The following GALNT9 variants were observed in gnomAD, a reference collection of about 807,000 sequenced individuals.
The protein encoded by GALNT9 is GalNAc transferase 9.
A neutral mutation model predicts 63.1 loss-of-function variants in GALNT9; 47 were observed. The ratio of observed to expected loss-of-function variants is 0.75; its 90% confidence interval spans 0.59 to 0.95. GALNT9 has a LOEUF of 0.95. GALNT9 is among the 40% of genes least tolerant of loss of function. The probability of loss-of-function intolerance (pLI) is 0.00; values close to 1 mark genes in which losing one functional copy is unlikely to be tolerated. For synonymous variants in GALNT9, 396 were observed against 365.7 expected (o/e 1.08, Z -0.94); for missense variants, 829 against 874.8 (o/e 0.95, Z 0.66).
intron 5 of GALNT9, among the ~76,000 whole-genome samples, chr12:132,255,263 A>G (rs1192361407): frequency 6.6e-6 from 1 of 152,218 alleles, no homozygotes; most frequent in East Asian, 1.9e-4. Flanking sequence ...TTGTAGAGAT[A>G]AAATGCATCC....
intron 6 of GALNT9, among the ~76,000 whole-genome samples, chr12:132,243,772 C>T (rs1555237747): frequency 6.6e-6 from 1 of 152,204 alleles, no homozygotes; most frequent in African/African-American, 2.4e-5. Context: ...CATTCTGTCC[C>T]TATGAAGGCC....
At chr12:132,216,115 CACAGAA>C (rs2135516972) in intron 6 of GALNT9, among the ~76,000 whole-genome samples, 2 of 152,036 alleles carry the variant, frequency 1.3e-5, no homozygotes, top group East Asian at 3.9e-4. Context: ...GATACAGAGA[CACAGAA>C]ACAGAGACAG....
chr12:132,316,070 C>T lies in GALNT9; in HGVS notation c.238+12896G>A, dbSNP rs1216252296. Among the ~76,000 whole-genome samples, 2 of 152,124 alleles carry T rather than the reference C, an allele frequency of 1.3e-5. No individual in the cohort carries two copies. Among genetic ancestry groups the T allele is most frequent in the African/African-American group, 4.8e-5 (2 of 41,430 alleles). ...CCTCACGCCTGCAGGTCTTGGGTTC[C>T]GTCATGTTTCCTCATCAGCCTTTCG... On this transcript the variant is annotated intron_variant, in intron 1 of 10. Transcript: ENST00000328957. This position sits in a 1 kb window ranked among gnomAD's most constrained non-coding sequence, Gnocchi z 4.3.
chr12:132,225,782 CCA>C (rs1265168642), intron 6 of GALNT9, among the ~76,000 whole-genome samples: 2 of 146,428 alleles, frequency 1.4e-5, no homozygotes, highest in Admixed American at 6.8e-5. Context: ...TGTATACACC[CCA>C]CACACGCCAC....
chr12:132,313,680 ACCC>A (rs1881903434), intron 1 of GALNT9, among the ~76,000 whole-genome samples: 1 of 129,064 alleles, frequency 7.7e-6, no homozygotes, highest in Non-Finnish European at 1.6e-5. Flanking sequence ...CCACCCACCC[ACCC>A]ATCCATCCAT....
At chr12:132,276,328 A>T (rs782715926) in intron 2 of GALNT9, 2 of 155,034 alleles carry the variant, frequency 1.3e-5, no homozygotes, top group Non-Finnish European at 2.9e-5. Context: ...TGAGGAAAGA[A>T]ACCTGGTAGC....
chr12:132,207,974 G>T (rs1358914782), intron 6 of GALNT9, among the ~76,000 whole-genome samples: 1 of 152,194 alleles, frequency 6.6e-6, no homozygotes, highest in African/African-American at 2.4e-5. Context: ...CCCGGGGCAG[G>T]TCTCTTTTCT....
intron 1 of GALNT9, among the ~76,000 whole-genome samples, chr12:132,304,182 C>G (rs1468644676): frequency 2.7e-5 from 1 of 36,654 alleles, no homozygotes; most frequent in Non-Finnish European, 5.0e-5. Flanking sequence ...CACCCTCACC[C>G]AGACACGCCC....
intron 6 of GALNT9, among the ~76,000 whole-genome samples, chr12:132,204,834 C>G (rs1021708842): frequency 6.6e-6 from 1 of 152,146 alleles, no homozygotes. Context: ...GGGTCTGATC[C>G]ACGTGGCCCA....
At chr12:132,250,996 A>G (rs1029816629) in intron 5 of GALNT9, among the ~76,000 whole-genome samples, 2 of 152,146 alleles carry the variant, frequency 1.3e-5, no homozygotes, top group Admixed American at 1.3e-4. Context: ...CGCGTAAGAC[A>G]CAATCCACGG....
At chr12:132,306,963 G>C (rs751608338) in intron 1 of GALNT9, among the ~76,000 whole-genome samples, 1 of 152,160 alleles carries the variant, frequency 6.6e-6, no homozygotes. Flanking sequence ...GTCTGGGAGC[G>C]TGGCGGGGAA....
In GALNT9 at chr12:132,252,350, G is replaced by T. The variant is rs995798621; in HGVS notation, c.960-4323C>A. On this transcript the variant is annotated intron_variant, in intron 5 of 10. Coordinates refer to ENST00000328957, the MANE Select transcript of GALNT9 (RefSeq NM_001122636.2). This position sits in a 1 kb window ranked among gnomAD's most constrained non-coding sequence, Gnocchi z 5.2. ...GAAGCCTTCGTGTCTTGCGGACGCCGACACTGACATTTAATGTTATTTAAA... is the reference window on the plus strand; with the variant it reads ...GAAGCCTTCGTGTCTTGCGGACGCCTACACTGACATTTAATGTTATTTAAA... Among the ~76,000 whole-genome samples, 1 of 152,192 alleles carries T rather than the reference G, an allele frequency of 6.6e-6. No homozygotes were observed. Among genetic ancestry groups the T allele is most frequent in the Non-Finnish European group, 1.5e-5 (1 of 68,032 alleles).
At position 132,245,833 on chromosome 12, in the gene GALNT9, G is replaced by A. The variant is rs1878688358; in HGVS notation, c.1077+2077C>T. On this transcript the variant is annotated intron_variant, in intron 6 of 10. Transcript: ENST00000328957. This position sits in a 1 kb window ranked among gnomAD's most constrained non-coding sequence, Gnocchi z 6.3. Reference sequence around the variant, plus strand: ...GGGAGGTGGGCGTGTTTCTCCCCTGGGCCCTTCCTGCTGAGGCGACTTGTC... The same window carrying A: ...GGGAGGTGGGCGTGTTTCTCCCCTGAGCCCTTCCTGCTGAGGCGACTTGTC... 6.6e-6 allele frequency among the ~76,000 whole-genome samples: 1 copy of A among 152,172 alleles called. No homozygotes were observed. The highest frequency in any genetic ancestry group is 1.5e-5 in the Non-Finnish European group (1 of 68,014).
At chr12:132,326,426 A>G (rs1247927589) in intron 1 of GALNT9, among the ~76,000 whole-genome samples, 1 of 152,234 alleles carries the variant, frequency 6.6e-6, no homozygotes, top group Admixed American at 6.5e-5. Context: ...GGCCTTATGA[A>G]TTTGAATCTG....
chr12:132,305,395 A>G (rs1344028189), intron 1 of GALNT9, among the ~76,000 whole-genome samples: 4 of 35,340 alleles, frequency 1.1e-4, no homozygotes, highest in Admixed American at 3.1e-4. Flanking sequence ...GCACATCCTC[A>G]CCGGGGCACA....
At chr12:132,307,859 A>C (rs1360758258) in intron 1 of GALNT9, among the ~76,000 whole-genome samples, 1 of 150,558 alleles carries the variant, frequency 6.6e-6, no homozygotes, top group Non-Finnish European at 1.5e-5. Context: ...CAACAACCAC[A>C]AAAAACAAGT....
At chr12:132,225,925 C>T (rs1430498181) in intron 6 of GALNT9, among the ~76,000 whole-genome samples, 53 of 143,794 alleles carry the variant, frequency 3.7e-4, no homozygotes, top group African/African-American at 1.2e-3. Context: ...TGTACATATA[C>T]AACCCACACA....
At position 132,286,199 on chromosome 12, in the gene GALNT9, C is replaced by G. The variant is rs1249586856; in HGVS notation, c.419+51G>C. The G allele has an allele frequency of 1.7e-5, 26 of 1,499,692 alleles. No homozygotes were observed. The African/African-American group carries it at 2.6e-4, about 15-fold the overall frequency. 92.9% of individuals were successfully genotyped at this position (1,499,692 alleles called of 1,614,324 possible). A position where few individuals can be genotyped will look rare whatever the true frequency, so the allele number is the denominator to read the frequency against. On this transcript the variant is annotated intron_variant, in intron 2 of 10. Transcript: ENST00000328957. The surrounding 1 kb of genome is among the most constrained non-coding windows in gnomAD (Gnocchi z 7.4). Reference sequence around the variant, plus strand: ...TCACTTCCCTGGCCAGTGTGGGGGGCGGTCACTTCCTCGGCGGGCGTCGGG... The same window carrying G: ...TCACTTCCCTGGCCAGTGTGGGGGGGGGTCACTTCCTCGGCGGGCGTCGGG...
intron 6 of GALNT9, among the ~76,000 whole-genome samples, chr12:132,224,954 T>G (rs2135522556): frequency 7.4e-6 from 1 of 134,242 alleles, no homozygotes; most frequent in East Asian, 2.4e-4. Context: ...CCCCACACAC[T>G]GTACATACAC....
Sources: gnomAD v4.1 joint callset for allele counts (sites outside exome capture counted in the v4.1 genomes callset) on GRCh38, gnomAD v4.1.1 for gene constraint, Gnocchi (gnomAD v3.1) non-coding constraint, MANE v1.5 for transcripts, NCBI Gene and HGNC (gene_info 2026-07-23, HGNC 2026-07-21) for gene names.